Variants in PCDHGA3 observed in about 807,000 individuals in gnomAD.
The protein encoded by PCDHGA3 is protocadherin gamma-A3.
PCDHGA3 carries 40 observed loss-of-function variants against 58.5 expected under a neutral mutation model. The observed-to-expected ratio is 0.68, with a 90% CI of 0.53 to 0.89. The LOEUF is 0.89. Ranked by LOEUF, PCDHGA3 falls within the 40% of genes least tolerant of loss-of-function variation. The pLI, the probability that PCDHGA3 is intolerant of heterozygous loss-of-function variation, is 0.00. For synonymous variants in PCDHGA3, 530 were observed against 525.7 expected (o/e 1.01, Z -0.11); for missense variants, 1,223 against 1,195.9 (o/e 1.02, Z -0.33).
intron 1 of PCDHGA3, chr5:141,352,204 G>A (rs778821722): frequency 3.7e-6 from 6 of 1,614,036 alleles, no homozygotes; most frequent in South Asian, 1.1e-5. Flanking sequence ...GAGGACAGCC[G>A]CCACTCTCCG....
Position 141,432,147 on chromosome 5 carries a change from A to G in PCDHGA3, c.2425-62660A>G. 6.2e-7 allele frequency: 1 copy of G among 1,614,066 alleles called. No individual in the cohort carries two copies. The highest frequency in any genetic ancestry group is 8.5e-7 in the Non-Finnish European group (1 of 1,179,998). ...GCCTCCTATTCCGCTTATATCCCAG[A>G]GAACAATCCCAGAGGAGTTTCCCTC... On this transcript the variant is annotated intron_variant, in intron 1 of 3. Transcript: ENST00000253812. The surrounding 1 kb of genome is among the most constrained non-coding windows in gnomAD (Gnocchi z 6.0).
chr5:141,354,806 A>G (rs1328631738), intron 1 of PCDHGA3, among the ~76,000 whole-genome samples: 3 of 152,246 alleles, frequency 2.0e-5, no homozygotes, highest in African/African-American at 7.2e-5. Flanking sequence ...AAATAACTTC[A>G]TAAAGTTTAT....
intron 1 of PCDHGA3, chr5:141,403,027 G>C: frequency 1.2e-6 from 2 of 1,614,070 alleles, no homozygotes; most frequent in Non-Finnish European, 1.7e-6. Flanking sequence ...TGCTATGGGA[G>C]GCCAGGGCCA....
In PCDHGA3 at chr5:141,409,485, G is replaced by A. The variant is rs374642418; in HGVS notation, c.2424+63028G>A. On this transcript the variant is annotated intron_variant, in intron 1 of 3. Coordinates refer to ENST00000253812, the MANE Select transcript of PCDHGA3 (RefSeq NM_018916.4). ...GTCACCATCGTAGCCACTGACAGGG[G>A]CAAGCCGCCTCTTTCTTCCAGTAGA... 9.9e-6 allele frequency: 16 copies of A among 1,613,856 alleles called. No homozygotes were observed. Among genetic ancestry groups the A allele is most frequent in the African/African-American group, 9.3e-5 (7 of 74,934 alleles).
intron 1 of PCDHGA3, among the ~76,000 whole-genome samples, chr5:141,447,895 G>A (rs931589569): frequency 1.3e-5 from 2 of 152,068 alleles, no homozygotes; most frequent in Non-Finnish European, 2.9e-5. Context: ...AGACCAGCCT[G>A]GCCAACATGG....
At position 141,386,158 on chromosome 5, in the gene PCDHGA3, A is replaced by G. The variant is rs530436705; in HGVS notation, c.2424+39701A>G. ...TGGCTTTGTTTCAACTGTCTCACGTACTCAAACCTTAGACCATCTTATGTA... is the reference window on the plus strand; with the variant it reads ...TGGCTTTGTTTCAACTGTCTCACGTGCTCAAACCTTAGACCATCTTATGTA... On this transcript the variant is annotated intron_variant, in intron 1 of 3. Coordinates refer to ENST00000253812, the MANE Select transcript of PCDHGA3 (RefSeq NM_018916.4). Among the ~76,000 whole-genome samples, 24 of 152,284 alleles carry G rather than the reference A, an allele frequency of 1.6e-4. No individual in the cohort carries two copies. In the East Asian group the frequency reaches 4.6e-3, roughly 29 times the overall value.
chr5:141,350,207 A>G (rs1254490448), intron 1 of PCDHGA3: 2 of 1,474,560 alleles, frequency 1.4e-6, no homozygotes, highest in African/African-American at 2.8e-5. Context: ...GGGTGCTGCC[A>G]TTTCTTTTTG....
intron 1 of PCDHGA3, among the ~76,000 whole-genome samples, chr5:141,479,996 G>A (rs759188600): frequency 7.2e-5 from 11 of 152,244 alleles, no homozygotes; most frequent in Middle Eastern, 3.2e-3. Context: ...CTAGGAGTCT[G>A]TGGCCAAGTT....
At position 141,372,722 on chromosome 5, in the gene PCDHGA3, A is replaced by T. The variant is rs551482869; in HGVS notation, c.2424+26265A>T. 13 of 1,613,812 alleles carry T rather than the reference A, an allele frequency of 8.1e-6. No individual in the cohort carries two copies. The Admixed American group carries it at 2.2e-4, about 27-fold the overall frequency. The stretch of plus-strand genomic sequence containing the variant: ...TCAATATAAAGGCTGAAAATGCTGC[A>T]CCACAAGATCTTCTATGTGATGAAG... On this transcript the variant is annotated intron_variant, in intron 1 of 3. Coordinates refer to ENST00000253812, the MANE Select transcript of PCDHGA3 (RefSeq NM_018916.4).
At chr5:141,434,240 T>A (rs979144259) in intron 1 of PCDHGA3, among the ~76,000 whole-genome samples, 1 of 152,336 alleles carries the variant, frequency 6.6e-6, no homozygotes, top group East Asian at 1.9e-4. Flanking sequence ...CTGGACTAGA[T>A]GACTTGGGCA....
At chr5:141,458,854 T>G (rs2098955098) in intron 1 of PCDHGA3, among the ~76,000 whole-genome samples, 1 of 152,182 alleles carries the variant, frequency 6.6e-6, no homozygotes, top group South Asian at 2.1e-4. Flanking sequence ...CACCTCAGCC[T>G]TCCAAGTAGC....
rs759742074 is a variant in PCDHGA3 at position 141,403,012 on chromosome 5, G to T, written c.2424+56555G>T. On this transcript the variant is annotated intron_variant, in intron 1 of 3. Transcript: ENST00000253812. ...GATTAGTCCTGCTATGCTCGCTCCT[G>T]GGGATGCTATGGGAGGCCAGGGCCA... 8.1e-6 allele frequency: 13 copies of T among 1,614,072 alleles called. 1 individual carries two copies. The South Asian group carries it at 1.4e-4, about 18-fold the overall frequency.
At chr5:141,376,180 G>A (rs113596971) in intron 1 of PCDHGA3, 2 of 1,614,100 alleles carry the variant, frequency 1.2e-6, no homozygotes, top group Non-Finnish European at 8.5e-7. Context: ...CGGTGGCCGC[G>A]GTCTCCTGCG....
intron 1 of PCDHGA3, chr5:141,374,632 A>T: frequency 1.2e-6 from 2 of 1,613,162 alleles, no homozygotes; most frequent in Non-Finnish European, 1.7e-6. Context: ...TGGACGTGCA[A>T]AGCGAAGCCC....
chr5:141,383,462 A>G (rs2072315), intron 1 of PCDHGA3: 731,761 of 1,613,122 alleles, frequency 0.45, 173,214 homozygotes, highest in African/African-American at 0.81. Flanking sequence ...GGAGACGATG[A>G]AACTAAGTAC....
intron 1 of PCDHGA3, among the ~76,000 whole-genome samples, chr5:141,353,623 T>A (rs1473472118): frequency 6.6e-6 from 1 of 152,252 alleles, no homozygotes; most frequent in Non-Finnish European, 1.5e-5. Context: ...TTATTTGTTT[T>A]TATGCTCTTT....
Position 141,512,931 on chromosome 5 carries a change from C to T in PCDHGA3, c.*1758C>T, listed in dbSNP as rs2099884512. On this transcript the variant is annotated 3_prime_UTR_variant, in exon 4 of 4. Transcript: ENST00000253812. ...GTTTTATACTCTAATATTTATATGG[C>T]TTTTTTTCTTCGACAAAAAAATAAT... The T allele has an allele frequency of 6.6e-6, 1 of 152,006 alleles. No homozygotes were observed. The highest frequency in any genetic ancestry group is 2.4e-5 in the African/African-American group (1 of 41,414). The allele number at this position is 152,006 out of a possible 1,614,324, so 9.4% of individuals were successfully genotyped here.
Position 141,496,888 on chromosome 5 carries a change from TA to T in PCDHGA3, c.2483+2038del, listed in dbSNP as rs35063790. 4.6e-3 allele frequency among the ~76,000 whole-genome samples: 621 copies of T among 133,932 alleles called. 1 individual carries two copies. Among genetic ancestry groups the T allele is most frequent in the Middle Eastern group, 0.011 (3 of 270 alleles). 87.9% of individuals were successfully genotyped at this position (133,932 alleles called of 152,430 possible). ...CTGAAAATTTGCAACAAGTAACACT[TA>T]AAAAAAAAAAAAAAGGCTGGGCACT... On this transcript the variant is annotated intron_variant, in intron 2 of 3. Coordinates refer to ENST00000253812, the MANE Select transcript of PCDHGA3 (RefSeq NM_018916.4).
At chr5:141,499,343 G>C (rs1184175548) in intron 2 of PCDHGA3, among the ~76,000 whole-genome samples, 1 of 152,146 alleles carries the variant, frequency 6.6e-6, no homozygotes, top group Non-Finnish European at 1.5e-5. Context: ...AGTTTGGGCA[G>C]TCATTCAACA....
Sources: allele counts gnomAD v4.1 joint callset (sites outside exome capture counted in the v4.1 genomes callset), GRCh38; gene constraint gnomAD v4.1.1; non-coding constraint Gnocchi (gnomAD v3.1); transcripts MANE v1.5; gene names NCBI Gene and HGNC (gene_info 2026-07-23, HGNC 2026-07-21).